Variants in NCAM2 observed in about 807,000 individuals in gnomAD.
The protein encoded by NCAM2 is neural cell adhesion molecule 2, also known as N-CAM-2.
NCAM2 carries 30 observed loss-of-function variants against 98.1 expected under a neutral mutation model. The observed-to-expected ratio is 0.31, with a 90% CI of 0.23 to 0.41. NCAM2 has a LOEUF of 0.41. NCAM2 is among the 10% of genes least tolerant of loss of function. NCAM2 has a pLI of 1.00. For missense variants in NCAM2, 867 were observed against 1,005.8 expected (o/e 0.86, Z 1.87); for synonymous variants, 368 against 342.4 (o/e 1.07, Z -0.83).
At chr21:21,091,534 A>C (rs1237495536) in intron 1 of NCAM2, among the ~76,000 whole-genome samples, 1 of 152,168 alleles carries the variant, frequency 6.6e-6, no homozygotes, top group Admixed American at 6.6e-5. Context: ...TTCACAAAAA[A>C]GGTTTAATTG....
chr21:21,045,363 T>C (rs1302461988), intron 1 of NCAM2, among the ~76,000 whole-genome samples: 2 of 152,024 alleles, frequency 1.3e-5, no homozygotes, highest in Admixed American at 1.3e-4. Flanking sequence ...GAAACTAGGC[T>C]GGGGTTATGG....
At chr21:21,115,114 C>T (rs2057798083) in intron 1 of NCAM2, among the ~76,000 whole-genome samples, 1 of 152,164 alleles carries the variant, frequency 6.6e-6, no homozygotes. Context: ...AGCCACCGCA[C>T]CCGGCCATAT....
intron 16 of NCAM2, among the ~76,000 whole-genome samples, chr21:21,516,161 AGTTT>A (rs1988700840): frequency 6.6e-6 from 1 of 152,264 alleles, no homozygotes; most frequent in East Asian, 1.9e-4. Flanking sequence ...CCACATCTAC[AGTTT>A]GTACTCTTTC....
At chr21:21,321,985 A>G (rs1370236760) in intron 5 of NCAM2, among the ~76,000 whole-genome samples, 1 of 152,200 alleles carries the variant, frequency 6.6e-6, no homozygotes, top group East Asian at 1.9e-4. Context: ...AGGAAAATAA[A>G]TTGTAACAGA....
intron 17 of NCAM2, 134 bp from the exon 18 acceptor site, chr21:21,537,712 G>A: frequency 4.7e-6 from 2 of 422,102 alleles, no homozygotes; most frequent in East Asian, 3.7e-5. Flanking sequence ...CTATAAAATA[G>A]TAACTTATTT....
At position 21,542,800 on chromosome 21, in the gene NCAM2, A is replaced by T. The variant is rs1257981466; in HGVS notation, c.*4843A>T. On this transcript the variant is annotated 3_prime_UTR_variant, in exon 18 of 18. Transcript: ENST00000400546. The stretch of plus-strand genomic sequence containing the variant: ...GCCGATTACACTGATGCGAAGGAGA[A>T]AACAGTGTAACACAGAGGAGAAAGT... The T allele has an allele frequency of 1.3e-5, 2 of 151,900 alleles. No homozygotes were observed. The highest frequency in any genetic ancestry group is 6.6e-5 in the Admixed American group (1 of 15,172). The allele number at this position is 151,900 out of a possible 1,614,324, so 9.4% of individuals were successfully genotyped here.
chr21:21,428,326 G>C (rs1401556528), intron 11 of NCAM2, among the ~76,000 whole-genome samples: 1 of 152,182 alleles, frequency 6.6e-6, no homozygotes, highest in Non-Finnish European at 1.5e-5. Context: ...ATATTGGGCT[G>C]TGTCTGAAAG....
chr21:21,185,522 AAAATAATTATCAACAT>A (rs1161275705), intron 1 of NCAM2, among the ~76,000 whole-genome samples: 4 of 152,268 alleles, frequency 2.6e-5, no homozygotes, highest in East Asian at 1.9e-4. Context: ...CTTTTATGGA[AAAATAATTATCAACAT>A]TTATTATTTG....
chr21:21,286,707 A>G (rs907751555), intron 4 of NCAM2, among the ~76,000 whole-genome samples: 2 of 151,844 alleles, frequency 1.3e-5, no homozygotes, highest in African/African-American at 4.8e-5. Flanking sequence ...AAAATATACA[A>G]TCATTAGCCT....
chr21:21,477,590 T>A, intron 15 of NCAM2, 119 bp downstream of exon 15: 1 of 842,920 alleles, frequency 1.2e-6, no homozygotes, highest in Non-Finnish European at 1.7e-6. Context: ...TTCCAGGTTC[T>A]AATTATTATT....
chr21:21,024,855 C>T (rs1196266435), intron 1 of NCAM2, among the ~76,000 whole-genome samples: 1 of 151,526 alleles, frequency 6.6e-6, no homozygotes, highest in Non-Finnish European at 1.5e-5. Flanking sequence ...CCACTTCACT[C>T]CAGCCTGGGC....
intron 1 of NCAM2, among the ~76,000 whole-genome samples, chr21:21,167,184 G>A (rs1236772877): frequency 6.6e-6 from 1 of 151,932 alleles, no homozygotes; most frequent in Non-Finnish European, 1.5e-5. Context: ...ACGTTCTTGT[G>A]TTGTTTGCAG....
chr21:21,201,354 C>A (rs1393095826), intron 1 of NCAM2, among the ~76,000 whole-genome samples: 10 of 152,178 alleles, frequency 6.6e-5, no homozygotes, highest in Non-Finnish European at 1.5e-4. Flanking sequence ...AAGGAATACT[C>A]CTAATGACAC....
intron 8 of NCAM2, among the ~76,000 whole-genome samples, chr21:21,345,418 T>G (rs1458160898): frequency 6.6e-6 from 1 of 152,066 alleles, no homozygotes; most frequent in Non-Finnish European, 1.5e-5. Flanking sequence ...CAGATCAATC[T>G]AACAGAGATT....
chr21:21,315,444 C>T (rs576576015), intron 5 of NCAM2, among the ~76,000 whole-genome samples: 35 of 152,184 alleles, frequency 2.3e-4, no homozygotes, highest in Non-Finnish European at 4.3e-4. Flanking sequence ...TTATCTCTCT[C>T]TGCCCCAACT....
intron 4 of NCAM2, among the ~76,000 whole-genome samples, chr21:21,287,909 T>G (rs1193437950): frequency 6.6e-6 from 1 of 151,900 alleles, no homozygotes; most frequent in African/African-American, 2.4e-5. Context: ...ACACAGATGA[T>G]TGCCTTCATT....
At chr21:21,082,966 A>G (rs1342791047) in intron 1 of NCAM2, among the ~76,000 whole-genome samples, 1 of 152,186 alleles carries the variant, frequency 6.6e-6, no homozygotes, top group East Asian at 1.9e-4. Context: ...CTTTTTAGAA[A>G]TCTGAGTTAG....
At chr21:21,126,254 A>AG (rs1171095952) in intron 1 of NCAM2, among the ~76,000 whole-genome samples, 2,620 of 150,968 alleles carry the variant, frequency 0.017, 79 homozygotes, top group African/African-American at 0.06. Context: ...AAAAAAAAAA[A>AG]AAAATCGCAG....
At chr21:21,497,712 A>C (rs1181190008) in intron 15 of NCAM2, among the ~76,000 whole-genome samples, 4 of 152,092 alleles carry the variant, frequency 2.6e-5, no homozygotes, top group Non-Finnish European at 4.4e-5. Context: ...ACATACATCT[A>C]CCCCCTAAAG....
Sources: allele counts gnomAD v4.1 joint callset (sites outside exome capture counted in the v4.1 genomes callset), GRCh38; gene constraint gnomAD v4.1.1; transcripts MANE v1.5; gene names NCBI Gene and HGNC (gene_info 2026-07-23, HGNC 2026-07-21).